Variants in CDC37L1 observed in about 807,000 individuals in gnomAD.
CDC37L1 encodes hsp90 co-chaperone Cdc37-like 1.
In CDC37L1, 32 loss-of-function variants were observed where a neutral mutation model predicts 45.9. The ratio of observed to expected loss-of-function variants is 0.70; its 90% CI spans 0.53 to 0.94. CDC37L1 has a LOEUF of 0.94. Ranked by LOEUF, CDC37L1 falls within the 40% of genes least tolerant of loss-of-function variation. The probability of loss-of-function intolerance (pLI) is 0.00; values close to 1 mark genes in which losing one functional copy is unlikely to be tolerated. For missense variants in CDC37L1, 434 were observed against 405.7 expected (o/e 1.07, Z -0.60); for synonymous variants, 150 against 133.0 (o/e 1.13, Z -0.88).
At chr9:4,686,735 TG>T (rs1841251074) in intron 2 of CDC37L1, among the ~76,000 whole-genome samples, 1 of 152,200 alleles carries the variant, frequency 6.6e-6, no homozygotes, top group Non-Finnish European at 1.5e-5. Flanking sequence ...TGGTTTTGTC[TG>T]GGAGCTTGAG....
Position 4,685,016 on chromosome 9 carries a change from A to G in CDC37L1, c.272A>G (p.Gln91Arg). The G allele has an allele frequency of 6.2e-7, 1 of 1,614,202 alleles. No homozygotes were observed. Among genetic ancestry groups the G allele is most frequent in the Non-Finnish European group, 8.5e-7 (1 of 1,180,014 alleles). The change falls in exon 2 of 7, where the codon CAG (glutamine) becomes CGG (arginine). Residue 91 changes from glutamine to arginine, a missense_variant. Gln to Arg is a conservative substitution (Grantham distance 43). Transcript: ENST00000381854. ...CTGCATAATTCTGAGTCCTTGGATC[A>G]GGAGCATGCCAAAGCACAAACAGCA... ...LALHNSESLD[Q>R]EHAKAQTAVS...
At position 4,701,463 on chromosome 9, in the gene CDC37L1, G is replaced by C. The variant is rs559206017; in HGVS notation, c.748-401G>C. ...CTCATTAATTGTTGGAGAATTAAAAGGTTTTAAGAATATCCCTTGATTGTT... is the reference window on the plus strand; with the variant it reads ...CTCATTAATTGTTGGAGAATTAAAACGTTTTAAGAATATCCCTTGATTGTT... On this transcript the variant is annotated intron_variant, in intron 5 of 6. Coordinates refer to ENST00000381854, the MANE Select transcript of CDC37L1 (RefSeq NM_017913.4). 7.9e-5 allele frequency among the ~76,000 whole-genome samples: 12 copies of C among 152,230 alleles called. No homozygotes were observed. The South Asian group carries it at 1.9e-3, about 24-fold the overall frequency.
intron 6 of CDC37L1, chr9:4,703,297 G>T: frequency 1.4e-5 from 5 of 354,192 alleles, no homozygotes; most frequent in East Asian, 4.7e-5. Context: ...GAAAGTGATT[G>T]ATCATATTTA....
rs571532911 is a variant in CDC37L1 at position 4,698,365 on chromosome 9, C to G, written c.747+486C>G. On this transcript the variant is annotated intron_variant, in intron 5 of 6. Transcript: ENST00000381854. ...CATGGTACATAGAATATCATGCACC[C>G]TTTAAAATTATATTTATGGAACTTT... is the stretch of plus-strand genomic sequence containing the variant. 4.0e-5 allele frequency among the ~76,000 whole-genome samples: 6 copies of G among 151,086 alleles called. No individual in the cohort carries two copies. In the South Asian group the frequency reaches 1.3e-3, roughly 32 times the overall value.
chr9:4,692,661 GCTAA>G (rs1355439898), intron 3 of CDC37L1, among the ~76,000 whole-genome samples: 1 of 152,164 alleles, frequency 6.6e-6, no homozygotes, highest in African/African-American at 2.4e-5. Context: ...TAGAATTACA[GCTAA>G]CTTTTATTTT....
chr9:4,702,257 A>G (rs1454916631), intron 6 of CDC37L1, among the ~76,000 whole-genome samples: 2 of 152,206 alleles, frequency 1.3e-5, no homozygotes, highest in Non-Finnish European at 2.9e-5. Context: ...GTGATTAGTT[A>G]TACCTAACCA....
At chr9:4,693,780 A>G (rs1280618845) in intron 3 of CDC37L1, among the ~76,000 whole-genome samples, 6 of 152,214 alleles carry the variant, frequency 3.9e-5, no homozygotes, top group African/African-American at 1.2e-4. Flanking sequence ...AGTATTTACT[A>G]TGTCTCAGGC....
chr9:4,703,136 T>A (rs2130855028), intron 6 of CDC37L1: 1 of 1,515,134 alleles, frequency 6.6e-7, no homozygotes, highest in Non-Finnish European at 8.9e-7. Context: ...TTGTCTACAT[T>A]GTGAGAAGGA....
At position 4,706,402 on chromosome 9, in the gene CDC37L1, T is replaced by C; in HGVS notation, c.*290T>C. On this transcript the variant is annotated 3_prime_UTR_variant, in exon 7 of 7. Transcript: ENST00000381854. ...TTGTTCTCAATTTTGGAATCAAGTATGAAAATCTGCACAAATGCAATGTTT... is the reference window on the plus strand; with the variant it reads ...TTGTTCTCAATTTTGGAATCAAGTACGAAAATCTGCACAAATGCAATGTTT... 1 of 218,864 alleles carries C rather than the reference T, an allele frequency of 4.6e-6. No homozygotes were observed. The highest frequency in any genetic ancestry group is 9.7e-5 in the East Asian group (1 of 10,284). The allele number at this position is 218,864 out of a possible 1,614,324, so 13.6% of individuals were successfully genotyped here.
At chr9:4,700,602 C>T (rs1024464743) in intron 5 of CDC37L1, among the ~76,000 whole-genome samples, 3 of 152,148 alleles carry the variant, frequency 2.0e-5, no homozygotes, top group South Asian at 2.1e-4. Context: ...CAAAGTAAAA[C>T]GGAAAGGCAC....
At chr9:4,703,455 C>T (rs1156336199) in intron 6 of CDC37L1, among the ~76,000 whole-genome samples, 2 of 151,420 alleles carry the variant, frequency 1.3e-5, no homozygotes, top group Middle Eastern at 3.2e-3. Flanking sequence ...AAGAATATTC[C>T]CTCTACAAAT....
intron 5 of CDC37L1, 114 bp from the exon 6 acceptor site, chr9:4,701,750 T>C: frequency 1.5e-6 from 1 of 653,272 alleles, no homozygotes; most frequent in Non-Finnish European, 2.5e-6. Flanking sequence ...ATATTTAGAC[T>C]ATTCACCTTG....
At chr9:4,703,763 T>A (rs1361964487) in intron 6 of CDC37L1, among the ~76,000 whole-genome samples, 1 of 152,200 alleles carries the variant, frequency 6.6e-6, no homozygotes, top group Non-Finnish European at 1.5e-5. Flanking sequence ...GTCCTTGTTG[T>A]TATTAGATAG....
In CDC37L1 at chr9:4,679,760, A is replaced by C; in HGVS notation, c.-8A>C. On this transcript the variant is annotated 5_prime_UTR_variant, in exon 1 of 7. Coordinates refer to ENST00000381854, the MANE Select transcript of CDC37L1 (RefSeq NM_017913.4). ...CAAGGGCGGTTGTAGGACCCGGAGC[A>C]GCCGGACATGGAACAACCGTGGCCG... 1.2e-6 allele frequency: 2 copies of C among 1,609,218 alleles called. No individual in the cohort carries two copies. The highest frequency in any genetic ancestry group is 1.7e-6 in the Non-Finnish European group (2 of 1,177,240).
chr9:4,703,163 A>G, intron 6 of CDC37L1: 1 of 1,495,560 alleles, frequency 6.7e-7, no homozygotes, highest in Non-Finnish European at 8.9e-7. Flanking sequence ...TATTCAAAAG[A>G]CAATGTGAGG....
At chr9:4,690,053 A>G (rs902333826) in intron 3 of CDC37L1, among the ~76,000 whole-genome samples, 2 of 152,208 alleles carry the variant, frequency 1.3e-5, no homozygotes, top group African/African-American at 4.8e-5. Context: ...GAAAATATCC[A>G]AATATCACAA....
intron 2 of CDC37L1, among the ~76,000 whole-genome samples, chr9:4,687,694 AAAAAAAAG>A (rs1445628153): frequency 6.6e-6 from 1 of 150,520 alleles, no homozygotes; most frequent in Non-Finnish European, 1.5e-5. Flanking sequence ...AAAAAAAAAA[AAAAAAAAG>A]ACACGCAACA....
At chr9:4,699,292 A>G (rs1841376869) in intron 5 of CDC37L1, among the ~76,000 whole-genome samples, 1 of 152,210 alleles carries the variant, frequency 6.6e-6, no homozygotes, top group African/African-American at 2.4e-5. Context: ...TCGACATGAC[A>G]CTCAAGGGAA....
intron 6 of CDC37L1, 98 bp downstream of exon 6, chr9:4,702,126 A>G (rs1393610577): frequency 3.9e-6 from 2 of 512,798 alleles, no homozygotes; most frequent in Non-Finnish European, 6.5e-6. Flanking sequence ...ATGTGCTACT[A>G]TTTTAAATAT....
Sources: allele counts gnomAD v4.1 joint callset (sites outside exome capture counted in the v4.1 genomes callset), GRCh38; gene constraint gnomAD v4.1.1; transcripts MANE v1.5; gene names NCBI Gene and HGNC (gene_info 2026-07-23, HGNC 2026-07-21).